Variants in NTM observed in about 807,000 individuals in gnomAD.
NTM encodes neurotrimin, also known as IgLON family member 2.
A neutral mutation model predicts 42.1 loss-of-function variants in NTM; 13 were observed. The observed-to-expected ratio is 0.31, with a 90% CI of 0.20 to 0.49. The LOEUF (loss-of-function observed/expected upper bound fraction) is 0.49, where lower values mean the gene tolerates loss of function less well. Among genes scored for constraint, NTM ranks in the 20% least tolerant of loss-of-function variants. NTM has a pLI of 0.99. For missense variants in NTM, 373 were observed against 452.8 expected (o/e 0.82, Z 1.60); for synonymous variants, 187 against 179.2 (o/e 1.04, Z -0.35).
intron 5 of NTM, 53 bp downstream of exon 5, chr11:132,307,876 T>A (rs887831693): frequency 6.4e-7 from 1 of 1,573,194 alleles, no homozygotes; most frequent in Non-Finnish European, 8.7e-7. Flanking sequence ...TGGCCTGTTG[T>A]CACAGCCACC....
intron 1 of NTM, 179 bp from the exon 2 acceptor site, chr11:131,911,385 C>T: frequency 1.9e-6 from 3 of 1,579,576 alleles, no homozygotes; most frequent in Non-Finnish European, 2.6e-6. Context: ...ACCGCTCAGT[C>T]CCCGCGCTCG....
chr11:132,107,605 A>G (rs945750555), intron 2 of NTM, among the ~76,000 whole-genome samples: 10 of 152,018 alleles, frequency 6.6e-5, no homozygotes, highest in Admixed American at 3.3e-4. Context: ...CCTAGGGTCA[A>G]GTGATCCCCC....
chr11:132,289,667 C>T (rs1235215455), intron 4 of NTM, among the ~76,000 whole-genome samples: 2 of 152,222 alleles, frequency 1.3e-5, no homozygotes, highest in African/African-American at 4.8e-5. Context: ...AGGTATTCCT[C>T]TACACTTTTC....
intron 1 of NTM, among the ~76,000 whole-genome samples, chr11:131,552,224 A>G (rs2054770333): frequency 6.6e-6 from 1 of 152,314 alleles, no homozygotes; most frequent in South Asian, 2.1e-4. Context: ...TAACCCTGCC[A>G]ACATCGAGTG....
intron 1 of NTM, among the ~76,000 whole-genome samples, chr11:131,779,060 G>A (rs562587212): frequency 6.6e-5 from 10 of 152,334 alleles, no homozygotes; most frequent in South Asian, 2.1e-4. Context: ...GTGGACTGCC[G>A]ATGGGGGCTA....
chr11:131,821,057 GA>G (rs1163864423), intron 1 of NTM, among the ~76,000 whole-genome samples: 19 of 150,566 alleles, frequency 1.3e-4, no homozygotes, highest in African/African-American at 4.7e-4. Flanking sequence ...GTAATAAGAT[GA>G]AATGTAGGGA....
At chr11:132,139,736 A>G (rs961869683) in intron 2 of NTM, among the ~76,000 whole-genome samples, 1 of 152,148 alleles carries the variant, frequency 6.6e-6, no homozygotes, top group Non-Finnish European at 1.5e-5. Context: ...CAGAGTAATT[A>G]TACTCACACA....
intron 4 of NTM, among the ~76,000 whole-genome samples, chr11:132,285,431 A>G (rs75356446): frequency 0.024 from 3,709 of 151,894 alleles, 130 homozygotes; most frequent in African/African-American, 0.083. Flanking sequence ...GCTCTGACCA[A>G]CTCTGTTTTT....
intron 2 of NTM, among the ~76,000 whole-genome samples, chr11:131,965,055 G>A (rs962474144): frequency 6.6e-6 from 1 of 152,200 alleles, no homozygotes; most frequent in South Asian, 2.1e-4. Context: ...GAAAAGGGAG[G>A]ATGTGTGGGG....
intron 4 of NTM, among the ~76,000 whole-genome samples, chr11:132,237,146 T>A (rs2089150494): frequency 6.6e-6 from 1 of 152,206 alleles, no homozygotes; most frequent in South Asian, 2.1e-4. Context: ...TTGGAGCCAT[T>A]TGCTCCTCAG....
intron 4 of NTM, among the ~76,000 whole-genome samples, chr11:132,227,834 G>A (rs2086635254): frequency 2.0e-5 from 3 of 152,104 alleles, no homozygotes; most frequent in Admixed American, 2.0e-4. Context: ...ACTGGGGATT[G>A]ATAGTTGTGG....
intron 1 of NTM, among the ~76,000 whole-genome samples, chr11:131,513,516 C>T (rs1462219553): frequency 1.3e-5 from 2 of 152,208 alleles, no homozygotes; most frequent in Non-Finnish European, 2.9e-5. Flanking sequence ...GCAGGAATTT[C>T]AAGTTTCTTG....
At chr11:132,111,953 A>G (rs1173983960) in intron 2 of NTM, among the ~76,000 whole-genome samples, 4 of 152,256 alleles carry the variant, frequency 2.6e-5, no homozygotes, top group Non-Finnish European at 2.9e-5. Flanking sequence ...CGTTTGGCAA[A>G]GGAAGAGAGA....
chr11:131,849,319 C>T (rs1037229647), intron 1 of NTM, among the ~76,000 whole-genome samples: 3 of 152,156 alleles, frequency 2.0e-5, no homozygotes, highest in African/African-American at 2.4e-5. Context: ...GTTTGATTGG[C>T]TCATGATTCT....
intron 1 of NTM, chr11:131,767,258 C>A (rs2085272264): frequency 3.0e-6 from 1 of 337,846 alleles, no homozygotes; most frequent in Non-Finnish European, 4.2e-6. Context: ...AAGAATTAAA[C>A]AAGAATATCC....
chr11:131,977,525 G>GA (rs1243064987), intron 2 of NTM, among the ~76,000 whole-genome samples: 5 of 152,070 alleles, frequency 3.3e-5, no homozygotes, highest in East Asian at 1.9e-4. Flanking sequence ...TCACATAAAG[G>GA]AAAAAAAGGA....
At chr11:132,047,156 C>T (rs962284573) in intron 2 of NTM, among the ~76,000 whole-genome samples, 4 of 152,202 alleles carry the variant, frequency 2.6e-5, no homozygotes, top group Admixed American at 2.6e-4. Context: ...TCTTCTGTGC[C>T]CCCATGGGCT....
intron 3 of NTM, among the ~76,000 whole-genome samples, chr11:132,188,134 A>G (rs758160385): frequency 3.3e-4 from 50 of 152,214 alleles, no homozygotes; most frequent in Non-Finnish European, 6.6e-4. Context: ...CAGGGAAGAA[A>G]TTAGCATGAA....
chr11:131,777,551 C>T (rs148058348), intron 1 of NTM, among the ~76,000 whole-genome samples: 2 of 150,342 alleles, frequency 1.3e-5, no homozygotes, highest in Admixed American at 6.7e-5. Context: ...CTCTCCATGG[C>T]ATGCTTTCTA....
Sources: gnomAD v4.1 joint callset for allele counts (sites outside exome capture counted in the v4.1 genomes callset) on GRCh38, gnomAD v4.1.1 for gene constraint, MANE v1.5 for transcripts, NCBI Gene and HGNC (gene_info 2026-07-23, HGNC 2026-07-21) for gene names.